The following TTN variants were observed in gnomAD, a reference collection of about 807,000 sequenced individuals.
TTN encodes titin, also known as connectin.
A neutral mutation model predicts 3,223.0 loss-of-function variants in TTN; 1,525 were observed. The observed-to-expected ratio is 0.47, with a 90% confidence interval of 0.45 to 0.49. The LOEUF (loss-of-function observed/expected upper bound fraction) is 0.49. Among genes scored for constraint, TTN ranks in the 20% least tolerant of loss-of-function variants. TTN has a pLI of 0.00. For synonymous variants in TTN, 14,094 were observed against 15,161.0 expected, an observed-to-expected ratio of 0.93 and a Z score of 5.17; for missense variants, 40,786 against 43,424.0, an observed-to-expected ratio of 0.94 and a Z score of 5.40.
At chr2:178,585,699 T>G (rs1055593150) in intron 308 of TTN, among the ~76,000 whole-genome samples, 3 of 152,074 alleles carry the variant, frequency 2.0e-5, no homozygotes, top group African/African-American at 7.2e-5. Flanking sequence ...GGTGTTTGGT[T>G]TTCTGTTCTT....
chr2:178,664,823 C>A, intron 166 of TTN, 29 bp downstream of exon 166: 1 of 1,610,832 alleles, frequency 6.2e-7, no homozygotes, highest in Non-Finnish European at 8.5e-7. Flanking sequence ...AGAGCTAGTT[C>A]TTGACCCTGA....
chr2:178,615,050 C>T, intron 259 of TTN, 82 bp from the exon 260 acceptor site: 1 of 1,259,206 alleles, frequency 7.9e-7, no homozygotes, highest in Non-Finnish European at 1.1e-6. Context: ...TTCAAAAATT[C>T]AAACCCCTGG....
In TTN at chr2:178,614,944, T is replaced by G. The variant is rs2057034517; in HGVS notation, c.48663A>C (p.Glu16221Asp). ...ETKMEVTGLE[E>D]GKWYAYRVKA... ...TCACGCGGTAGGCATACCATTTGCC[T>G]TCCTCAAGACCTGTCACTTCCATTC... is the stretch of plus-strand genomic sequence containing the variant. Residue 16221 changes from glutamate (E) to aspartate (D), a missense_variant, in exon 260 of 363, where the codon GAA (glutamate) becomes GAC (aspartate). By Grantham distance (45) the Glu-to-Asp change is conservative. Transcript: ENST00000589042. 1 of 1,597,732 alleles carries G rather than the reference T, an allele frequency of 6.3e-7. No homozygotes were observed. Among genetic ancestry groups the G allele is most frequent in the Non-Finnish European group, 8.5e-7 (1 of 1,171,378 alleles).
chr2:178,546,159 T>G (rs1559145467), intron 342 of TTN, 43 bp from the exon 343 acceptor site: 1 of 1,587,674 alleles, frequency 6.3e-7, no homozygotes. Context: ...GATCATTCTT[T>G]CTGCCCACAC....
In TTN at chr2:178,602,346, G is replaced by C; in HGVS notation, c.55056C>G (p.Val18352=). Residue 18352 remains valine, a synonymous_variant, in exon 283 of 363, where the codon GTC becomes GTG. Transcript: ENST00000589042. ...TTGGTTCAGATTCACCAGCTTCATT[G>C]ACAGCTTTCACTCTGAATCTGTACT... The part of the protein sequence containing the change: ...LRKYRFRVKA[V]NEAGESEPSD... 6.2e-7 allele frequency: 1 copy of C among 1,612,868 alleles called. No homozygotes were observed. Among genetic ancestry groups the C allele is most frequent in the Non-Finnish European group, 8.5e-7 (1 of 1,179,304 alleles).
At chr2:178,724,562 C>T (rs1212708314) in intron 71 of TTN, 24 bp from the exon 72 acceptor site, 17 of 1,548,046 alleles carry the variant, frequency 1.1e-5, no homozygotes, top group East Asian at 2.3e-5. Flanking sequence ...TGATATCCAT[C>T]TGTCAAAGTC....
At position 178,530,400 on chromosome 2, in the gene TTN, G is replaced by A. The variant is rs886038793; in HGVS notation, c.106215C>T (p.Thr35405=). 5.0e-6 allele frequency: 8 copies of A among 1,613,838 alleles called. No individual in the cohort carries two copies. The highest frequency in any genetic ancestry group is 6.8e-6 in the Non-Finnish European group (8 of 1,179,836). Residue 35405 remains threonine (T), a synonymous_variant, in exon 358 of 363, where the codon ACC becomes ACT. Coordinates refer to ENST00000589042, the MANE Select transcript of TTN (RefSeq NM_001267550.2). ...CAGGAGCTTTTGGTTCAGTTTTTCTGGTTACTGTTGACTCAGTGGTTTTCT... is the reference window on the plus strand; with the variant it reads ...CAGGAGCTTTTGGTTCAGTTTTTCTAGTTACTGTTGACTCAGTGGTTTTCT... ...SDQKTTESTV[T]RKTEPKAPEP...
Position 178,773,288 on chromosome 2 carries a change from G to T in TTN, c.7676C>A (p.Ser2559Tyr). Residue 2559 changes from serine to tyrosine, a missense_variant, in exon 33 of 363, where the codon TCT becomes TAT. By Grantham distance (144) the Ser-to-Tyr change is moderately radical. Coordinates refer to ENST00000589042, the MANE Select transcript of TTN (RefSeq NM_001267550.2). ...NVVFEVELSH[S>Y]GIDVLWNFKD... Reference sequence around the variant, plus strand: ...AAAATTCCACAGGACATCAATTCCAGAGTGGGACAGCTCAACCTCAAACAC... The same window carrying T: ...AAAATTCCACAGGACATCAATTCCATAGTGGGACAGCTCAACCTCAAACAC... 1 of 1,613,944 alleles carries T rather than the reference G, an allele frequency of 6.2e-7. No homozygotes were observed. The highest frequency in any genetic ancestry group is 8.5e-7 in the Non-Finnish European group (1 of 1,179,972).
Position 178,728,530 on chromosome 2 carries a change from T to C in TTN, c.19396A>G (p.Ser6466Gly). 1 of 1,612,230 alleles carries C rather than the reference T, an allele frequency of 6.2e-7. No individual in the cohort carries two copies. Among genetic ancestry groups the C allele is most frequent in the Non-Finnish European group, 8.5e-7 (1 of 1,178,842 alleles). ...TFKVENDFGS[S>G]SCDAYLRVLD... ...ACTCTTAAGTAGGCATCACAGCTAC[T>C]GCTTCCGAAGTCATTTTCCACCTTG... Residue 6466 changes from serine (S) to glycine (G), a missense_variant, in exon 66 of 363, where the codon AGT becomes GGT. Transcript: ENST00000589042.
In TTN at chr2:178,717,245, G is replaced by A. The variant is rs369517119; in HGVS notation, c.25489C>T (p.Arg8497Cys). 18 of 1,613,584 alleles carry A rather than the reference G, an allele frequency of 1.1e-5. No individual in the cohort carries two copies. Among genetic ancestry groups the A allele is most frequent in the East Asian group, 2.2e-5 (1 of 44,874 alleles). The change falls in exon 88 of 363, where the codon CGC (arginine) becomes TGC (cysteine). Residue 8497 changes from arginine to cysteine, a missense_variant. Coordinates refer to ENST00000589042, the MANE Select transcript of TTN (RefSeq NM_001267550.2). ...ITWAKDNREIRPGGNYKMTLV... is the reference protein window; with the variant it reads ...ITWAKDNREICPGGNYKMTLV... ...GTCATCTTGTAGTTGCCTCCAGGGCGAATCTCTCGGTTATCTTTGGCCCAA... is the reference window on the plus strand; with the variant it reads ...GTCATCTTGTAGTTGCCTCCAGGGCAAATCTCTCGGTTATCTTTGGCCCAA...
In TTN at chr2:178,569,128, A is replaced by T; in HGVS notation, c.77004T>A (p.Gly25668=). The T allele has an allele frequency of 6.2e-7, 1 of 1,613,488 alleles. No homozygotes were observed. The highest frequency in any genetic ancestry group is 8.5e-7 in the Non-Finnish European group (1 of 1,179,576). The change falls in exon 326 of 363, where the codon GGT becomes GGA. Residue 25668 remains glycine (G), a synonymous_variant. Transcript: ENST00000589042. ...NSWKIDQLQE[G]CSYYFRVTAE... ...CTGTGACTCTAAAGTAATAACTGCA[A>T]CCTTCTTGGAGCTGATCGATTTTCC...
Position 178,609,945 on chromosome 2 carries a change from T to A in TTN, c.51478A>T (p.Thr17160Ser). The change falls in exon 272 of 363, where the codon ACA (threonine) becomes TCA (serine). Residue 17160 changes from threonine to serine, a missense_variant. Physicochemically the swap from Thr to Ser is moderately conservative, Grantham distance 58. Coordinates refer to ENST00000589042, the MANE Select transcript of TTN (RefSeq NM_001267550.2). ...CATGTAATAGTCATTGCCTCCGCTGTAGGATTATGAACCTCTACATCTACA... is the reference window on the plus strand; with the variant it reads ...CATGTAATAGTCATTGCCTCCGCTGAAGGATTATGAACCTCTACATCTACA... ...PPVDVEVHNP[T>S]AEAMTITWKP... 6.2e-7 allele frequency: 1 copy of A among 1,612,808 alleles called. No homozygotes were observed. Among genetic ancestry groups the A allele is most frequent in the Non-Finnish European group, 8.5e-7 (1 of 1,179,214 alleles).
chr2:178,634,337 G>A lies in TTN; in HGVS notation c.42415+29C>T. The A allele has an allele frequency of 1.3e-6, 2 of 1,583,696 alleles. No individual in the cohort carries two copies. Among genetic ancestry groups the A allele is most frequent in the East Asian group, 4.5e-5 (2 of 44,502 alleles). On this transcript the variant is annotated intron_variant, in intron 230 of 362. Transcript: ENST00000589042. The surrounding 1 kb of genome is among the most constrained non-coding windows in gnomAD (Gnocchi z 4.6). ...GTCATATATTTGCATGCCTTTATGG[G>A]ATGTCACAGATCTCATTAGCTCGCT... is the stretch of plus-strand genomic sequence containing the variant.
intron 102 of TTN, 79 bp downstream of exon 102, chr2:178,706,375 T>C: frequency 2.1e-6 from 3 of 1,442,090 alleles, no homozygotes; most frequent in Non-Finnish European, 2.8e-6. Context: ...TACTTTCCAC[T>C]GGGGCTGGTT....
rs764250397 is a variant in TTN, at chr2:178,632,290, C to T, written c.43604G>A (p.Arg14535His). The T allele has an allele frequency of 9.9e-6, 16 of 1,609,606 alleles. No homozygotes were observed. Among genetic ancestry groups the T allele is most frequent in the Admixed American group, 6.7e-5 (4 of 59,480 alleles). ...TGAGACCGACCTGGTGGTGTGTAGGCGCTGGTCATTCTTGAACCATTTAAC... is the reference window on the plus strand; with the variant it reads ...TGAGACCGACCTGGTGGTGTGTAGGTGCTGGTCATTCTTGAACCATTTAAC... Reference protein sequence around the residue: ...IRVKWFKNDQRLHTTRSVSMQ... With the variant: ...IRVKWFKNDQHLHTTRSVSMQ... The change falls in exon 236 of 363, where the codon CGC becomes CAC. Residue 14535 changes from arginine to histidine, a missense_variant. By Grantham distance (29) the Arg-to-His change is conservative (BLOSUM62 0). Transcript: ENST00000589042.
At position 178,724,074 on chromosome 2, in the gene TTN, A is replaced by G; in HGVS notation, c.21185T>C (p.Ile7062Thr). 1.2e-6 allele frequency: 2 copies of G among 1,613,452 alleles called. No homozygotes were observed. The highest frequency in any genetic ancestry group is 1.7e-6 in the Non-Finnish European group (2 of 1,179,582). The change falls in exon 73 of 363, where the codon ATC becomes ACC. Residue 7062 changes from isoleucine to threonine, a missense_variant. By Grantham distance (89) the Ile-to-Thr change is moderately conservative. Coordinates refer to ENST00000589042, the MANE Select transcript of TTN (RefSeq NM_001267550.2). The stretch of plus-strand genomic sequence containing the variant: ...TGATCCAGCTACTTTGCATTCCAAG[A>G]TGCAAGAAGCACCTAACACCCCACC... ...NTGGVLGASC[I>T]LECKVAGSSP...
Position 178,619,677 on chromosome 2 carries a change from C to T in TTN, c.46640G>A (p.Gly15547Asp). 3 of 1,612,224 alleles carry T rather than the reference C, an allele frequency of 1.9e-6. No individual in the cohort carries two copies. Among genetic ancestry groups the T allele is most frequent in the South Asian group, 1.1e-5 (1 of 91,014 alleles). Residue 15547 changes from glycine (G) to aspartate (D), a missense_variant, in exon 250 of 363, where the codon GGT becomes GAT. By Grantham distance (94) the Gly-to-Asp change is moderately conservative (BLOSUM62 -1). Transcript: ENST00000589042. ...QICDIKPRDQ[G>D]EYRFIAKDKE... The stretch of plus-strand genomic sequence containing the variant: ...GTCTTTGGCAATAAATCTGTATTCA[C>T]CCTGGTCACGGGGCTTAATATCACA...
At chr2:178,707,455 A>G in intron 100 of TTN, 71 bp downstream of exon 100, 1 of 1,464,156 alleles carries the variant, frequency 6.8e-7, no homozygotes, top group East Asian at 2.4e-5. Flanking sequence ...ATTTCTAGGG[A>G]AATCATAATA....
At chr2:178,529,364 T>C (rs879795277) in intron 359 of TTN, 145 bp from the exon 360 acceptor site, 1 of 550,142 alleles carries the variant, frequency 1.8e-6, no homozygotes. Context: ...CTTTCTCAGT[T>C]CCACTTTTGG....
Sources: gnomAD v4.1 joint callset for allele counts (sites outside exome capture counted in the v4.1 genomes callset) on GRCh38, gnomAD v4.1.1 for gene constraint, Gnocchi (gnomAD v3.1) non-coding constraint, MANE v1.5 for transcripts, NCBI Gene and HGNC (gene_info 2026-07-23, HGNC 2026-07-21) for gene names.